Variants in RNF216 observed in about 807,000 individuals in gnomAD.
RNF216 encodes E3 ubiquitin-protein ligase RNF216.
In RNF216, 72 loss-of-function variants were observed where a neutral mutation model predicts 110.8. That is an observed-to-expected ratio of 0.65 (90% CI 0.54 to 0.79). The LOEUF (loss-of-function observed/expected upper bound fraction) is 0.79. Among genes scored for constraint, RNF216 ranks in the 30% least tolerant of loss-of-function variants. The pLI, the probability that RNF216 is intolerant of heterozygous loss-of-function variation, is 0.00. For missense variants in RNF216, 1,342 were observed against 1,141.2 expected (o/e 1.18, Z -2.54); for synonymous variants, 495 against 407.5 (o/e 1.21, Z -2.59).
intron 14 of RNF216, among the ~76,000 whole-genome samples, chr7:5,647,510 T>A (rs1477404237): frequency 6.6e-6 from 1 of 151,840 alleles, no homozygotes; most frequent in African/African-American, 2.4e-5. Context: ...ATTTTTAGAT[T>A]TTCTGTACAG....
At chr7:5,718,550 C>T (rs907458867) in intron 9 of RNF216, among the ~76,000 whole-genome samples, 4 of 141,604 alleles carry the variant, frequency 2.8e-5, no homozygotes, top group Non-Finnish European at 4.6e-5. Flanking sequence ...ATAACCCACC[C>T]TTTTTTTTTT....
intron 15 of RNF216, among the ~76,000 whole-genome samples, chr7:5,638,843 C>T (rs1355470485): frequency 6.6e-6 from 1 of 152,046 alleles, no homozygotes; most frequent in Non-Finnish European, 1.5e-5. Context: ...CTATGTTGCC[C>T]AGGCTGTTCT....
At chr7:5,675,191 T>C (rs1281705747) in intron 13 of RNF216, among the ~76,000 whole-genome samples, 1 of 152,164 alleles carries the variant, frequency 6.6e-6, no homozygotes, top group Non-Finnish European at 1.5e-5. Flanking sequence ...CTACTAACAG[T>C]CTGTTGTATG....
intron 13 of RNF216, among the ~76,000 whole-genome samples, chr7:5,686,245 A>T (rs1039497054): frequency 6.3e-4 from 96 of 151,550 alleles, no homozygotes; most frequent in Non-Finnish European, 1.2e-3. Context: ...AAAAAAAAAA[A>T]AAATGGAGCG....
intron 15 of RNF216, among the ~76,000 whole-genome samples, chr7:5,636,244 C>T (rs764426996): frequency 2.0e-5 from 3 of 152,208 alleles, no homozygotes; most frequent in South Asian, 2.1e-4. Context: ...TGGCTTTCCA[C>T]TCTGCTCCCT....
chr7:5,723,792 T>C (rs561096083), intron 8 of RNF216, among the ~76,000 whole-genome samples: 119 of 152,296 alleles, frequency 7.8e-4, no homozygotes, highest in African/African-American at 2.7e-3. Flanking sequence ...GAGCAGTGTT[T>C]AGACGGAAAA....
At chr7:5,767,808 A>T (rs1796282748) in intron 1 of RNF216, among the ~76,000 whole-genome samples, 1 of 152,128 alleles carries the variant, frequency 6.6e-6, no homozygotes, top group South Asian at 2.1e-4. Context: ...TATGTTGGCC[A>T]GGGTGGTCTC....
intron 1 of RNF216, among the ~76,000 whole-genome samples, chr7:5,769,217 A>G (rs1231418004): frequency 6.6e-6 from 1 of 150,922 alleles, no homozygotes; most frequent in Non-Finnish European, 1.5e-5. Context: ...TCCTGTGTTC[A>G]AGTGATTCTC....
chr7:5,773,602 T>C (rs1584623435), intron 1 of RNF216, among the ~76,000 whole-genome samples: 1 of 139,668 alleles, frequency 7.2e-6, no homozygotes. Context: ...GAATCTTGCT[T>C]TGTCACCCAG....
intron 11 of RNF216, chr7:5,713,344 GA>G (rs201810333): frequency 0.023 from 3,606 of 154,950 alleles, 68 homozygotes; most frequent in South Asian, 0.059. Flanking sequence ...GAGAAATGAG[GA>G]AGATCTCCTG....
At chr7:5,631,275 AC>A (rs1787055363) in intron 15 of RNF216, among the ~76,000 whole-genome samples, 1 of 152,118 alleles carries the variant, frequency 6.6e-6, no homozygotes, top group South Asian at 2.1e-4. Flanking sequence ...GAAACAGCCC[AC>A]TTGTCGGCCT....
chr7:5,704,500 C>G (rs1187787203), intron 13 of RNF216, among the ~76,000 whole-genome samples: 2 of 152,234 alleles, frequency 1.3e-5, no homozygotes, highest in Non-Finnish European at 1.5e-5. Flanking sequence ...ACATGGACTT[C>G]TTAGATAAAG....
rs201907827 is a variant in RNF216, at chr7:5,738,733, T to A, written c.1121+543A>T. ...AAAAAAAAAAAAAAAAAAAAAAAAA[T>A]GCTTCCATGTATTTCTCCAAACAGA... On this transcript the variant is annotated intron_variant, in intron 5 of 16. Transcript: ENST00000389902. Among the ~76,000 whole-genome samples, 662 of 115,964 alleles carry A rather than the reference T, an allele frequency of 5.7e-3. 9 individuals carry two copies. The highest frequency in any genetic ancestry group is 9.1e-3 in the Middle Eastern group (2 of 220). The allele number at this position is 115,964 out of a possible 152,430, so 76.1% of individuals were successfully genotyped here.
intron 10 of RNF216, among the ~76,000 whole-genome samples, 187 bp from the exon 11 acceptor site, chr7:5,715,377 T>C (rs1186310587): frequency 6.6e-6 from 1 of 152,184 alleles, no homozygotes; most frequent in Non-Finnish European, 1.5e-5. Flanking sequence ...ACTAACACAG[T>C]ATTAATCCAT....
At position 5,636,064 on chromosome 7, in the gene RNF216, C is replaced by A. The variant is rs1222815263; in HGVS notation, c.2382+5090G>T. The stretch of plus-strand genomic sequence containing the variant: ...ACATGCTGTTTTAAGTTTTGCCATA[C>A]TCTCAAATCCAGACTGCCAGGTGCC... On this transcript the variant is annotated intron_variant, in intron 15 of 16. Coordinates refer to ENST00000389902, the MANE Select transcript of RNF216 (RefSeq NM_207111.4). 3.3e-5 allele frequency among the ~76,000 whole-genome samples: 5 copies of A among 152,218 alleles called. No individual in the cohort carries two copies. The East Asian group carries it at 9.6e-4, about 29-fold the overall frequency.
chr7:5,673,858 CATTTT>C (rs1268641222), intron 13 of RNF216, among the ~76,000 whole-genome samples: 1 of 117,156 alleles, frequency 8.5e-6, no homozygotes, highest in Non-Finnish European at 1.7e-5. Context: ...CTCTTTCTCT[CATTTT>C]TTTTTTTTTT....
At chr7:5,656,137 C>T (rs1036144943) in intron 13 of RNF216, among the ~76,000 whole-genome samples, 61 of 152,068 alleles carry the variant, frequency 4.0e-4, no homozygotes, top group African/African-American at 1.4e-3. Context: ...GGCATGGTGG[C>T]GGGCTTCTGT....
At chr7:5,659,896 G>A (rs577068850) in intron 13 of RNF216, among the ~76,000 whole-genome samples, 67 of 151,796 alleles carry the variant, frequency 4.4e-4, no homozygotes, top group African/African-American at 1.5e-3. Context: ...TTTCTGATAT[G>A]GCTTCAGAAA....
chr7:5,662,621 ACTGAGAGCCTTCCATCAGTGCCG>A lies in RNF216; in HGVS notation c.2062-10134_2062-10112del, dbSNP rs533056721. On this transcript the variant is annotated intron_variant, in intron 13 of 16. Coordinates refer to ENST00000389902, the MANE Select transcript of RNF216 (RefSeq NM_207111.4). Reference sequence around the variant, plus strand: ...CACCCTTGCCCCTTCCACCAGTGCCACTGAGAGCCTTCCATCAGTGCCGCTGAGAGCCTTCCATCAGTGCCAGA... The same window carrying A: ...CACCCTTGCCCCTTCCACCAGTGCCACTGAGAGCCTTCCATCAGTGCCAGA... 1.5e-4 allele frequency: 23 copies of A among 152,402 alleles called. No individual in the cohort carries two copies. The East Asian group carries it at 1.5e-3, about 10-fold the overall frequency. The allele number at this position is 152,402 out of a possible 1,614,324, so 9.4% of individuals were successfully genotyped here.
Sources: allele counts gnomAD v4.1 joint callset (sites outside exome capture counted in the v4.1 genomes callset), GRCh38; gene constraint gnomAD v4.1.1; transcripts MANE v1.5; gene names NCBI Gene and HGNC (gene_info 2026-07-23, HGNC 2026-07-21).